The following DNM3 variants were observed in gnomAD, a reference collection of about 807,000 sequenced individuals.
DNM3 encodes dynamin 3.
In DNM3, 47 loss-of-function variants were observed where a neutral mutation model predicts 101.6. That is an observed-to-expected ratio of 0.46 (90% CI 0.37 to 0.59). DNM3 has a LOEUF of 0.59. Ranked by LOEUF, DNM3 falls within the 20% of genes least tolerant of loss-of-function variation. The pLI is 0.00. For missense variants in DNM3, 849 were observed against 1,085.7 expected (o/e 0.78, Z 3.06); for synonymous variants, 385 against 387.9 (o/e 0.99, Z 0.09).
At chr1:171,914,580 C>T (rs1275749650) in intron 1 of DNM3, among the ~76,000 whole-genome samples, 1 of 152,020 alleles carries the variant, frequency 6.6e-6, no homozygotes, top group Non-Finnish European at 1.5e-5. Flanking sequence ...ATTGGCCCAC[C>T]TAGTATTCCG....
At chr1:172,007,194 T>C (rs776989718) in intron 4 of DNM3, among the ~76,000 whole-genome samples, 1 of 152,138 alleles carries the variant, frequency 6.6e-6, no homozygotes, top group African/African-American at 2.4e-5. Context: ...ATTGCACATA[T>C]TAAAAAAATT....
intron 1 of DNM3, among the ~76,000 whole-genome samples, chr1:171,866,234 G>T (rs1423787197): frequency 1.3e-5 from 2 of 150,098 alleles, no homozygotes; most frequent in Non-Finnish European, 3.0e-5. Context: ...TTCTCTTAAA[G>T]CACTACTCTA....
chr1:172,147,907 C>A (rs1393064559), intron 14 of DNM3, among the ~76,000 whole-genome samples: 1 of 152,072 alleles, frequency 6.6e-6, no homozygotes, highest in African/African-American at 2.4e-5. Context: ...GGTCATTTTA[C>A]AGCTTCTTTA....
intron 17 of DNM3, among the ~76,000 whole-genome samples, chr1:172,370,545 A>C (rs2149035297): frequency 6.6e-6 from 1 of 152,084 alleles, no homozygotes; most frequent in Non-Finnish European, 1.5e-5. Flanking sequence ...TTCTTTCTAC[A>C]AAAGAGAGGA....
chr1:172,315,906 C>T (rs1249463542), intron 16 of DNM3, among the ~76,000 whole-genome samples: 1 of 152,046 alleles, frequency 6.6e-6, no homozygotes, highest in South Asian at 2.1e-4. Context: ...AGATACTCCT[C>T]GAGAAGAGCA....
chr1:172,208,694 T>C (rs960588575), intron 14 of DNM3, among the ~76,000 whole-genome samples: 3 of 152,104 alleles, frequency 2.0e-5, no homozygotes, highest in African/African-American at 7.2e-5. Context: ...ACAGGAAGCT[T>C]GCCCATGTAT....
chr1:172,407,649 A>G (rs2070989979), intron 20 of DNM3, 123 bp from the exon 21 acceptor site: 1 of 914,756 alleles, frequency 1.1e-6, no homozygotes, highest in Non-Finnish European at 1.8e-6. Flanking sequence ...ACAGATCATA[A>G]CCACTTCTGC....
At chr1:172,239,798 CTCTTTTTTTT>C (rs1483146850) in intron 14 of DNM3, among the ~76,000 whole-genome samples, 6 of 106,876 alleles carry the variant, frequency 5.6e-5, no homozygotes, top group Non-Finnish European at 5.3e-5. Flanking sequence ...CTTTTTTTTT[CTCTTTTTTTT>C]TTTTTTTTTT....
chr1:172,144,409 A>G, intron 14 of DNM3: 1 of 232,770 alleles, frequency 4.3e-6, no homozygotes, highest in Middle Eastern at 4.5e-4. Context: ...AGTGTCCCCG[A>G]GGGCTTCTTG....
intron 14 of DNM3, among the ~76,000 whole-genome samples, chr1:172,140,800 C>T (rs1266898512): frequency 6.6e-6 from 1 of 150,688 alleles, no homozygotes; most frequent in African/African-American, 2.5e-5. Flanking sequence ...TTAAAACACA[C>T]TTACAGTAAC....
chr1:172,242,868 C>G (rs187626930), intron 14 of DNM3, among the ~76,000 whole-genome samples: 3 of 152,304 alleles, frequency 2.0e-5, no homozygotes, highest in Admixed American at 2.0e-4. Context: ...GTTTCTCCTC[C>G]ATTCTTTCCC....
chr1:171,872,337 CT>C (rs980617900), intron 1 of DNM3, among the ~76,000 whole-genome samples: 3 of 150,842 alleles, frequency 2.0e-5, no homozygotes, highest in South Asian at 2.1e-4. Flanking sequence ...ATAGTTTTTC[CT>C]TTTTTTTTCC....
At chr1:172,357,948 T>C (rs1386379879) in intron 17 of DNM3, among the ~76,000 whole-genome samples, 1 of 152,052 alleles carries the variant, frequency 6.6e-6, no homozygotes, top group Non-Finnish European at 1.5e-5. Flanking sequence ...AGTGCAATGC[T>C]GAACAGGAAG....
rs185589023 is a variant in DNM3 at position 171,877,460 on chromosome 1, A to T, written c.161+35643A>T. Among the ~76,000 whole-genome samples the T allele has an allele frequency of 8.5e-4, 129 of 152,290 alleles. 2 individuals carry two copies. Among genetic ancestry groups the T allele is most frequent in the Middle Eastern group, 3.4e-3 (1 of 294 alleles). ...CATTTTAGTCTCTTCTCCACAACAA[A>T]TCATTTTTGTTGAACTTCGATGGAA... is the stretch of plus-strand genomic sequence containing the variant. On this transcript the variant is annotated intron_variant, in intron 1 of 20. Transcript: ENST00000627582.
chr1:171,966,705 T>C (rs536647493), intron 2 of DNM3, among the ~76,000 whole-genome samples: 2 of 152,304 alleles, frequency 1.3e-5, no homozygotes, highest in East Asian at 3.9e-4. Context: ...CAAGTGCATA[T>C]GCAGTGGGTA....
chr1:172,091,392 T>C (rs1340122446), intron 12 of DNM3, among the ~76,000 whole-genome samples: 1 of 152,134 alleles, frequency 6.6e-6, no homozygotes, highest in Admixed American at 6.5e-5. Flanking sequence ...AAGGGGATGA[T>C]AGTCTTGGAG....
intron 14 of DNM3, among the ~76,000 whole-genome samples, chr1:172,176,559 A>T (rs2059159564): frequency 1.3e-5 from 2 of 151,806 alleles, no homozygotes; most frequent in East Asian, 1.9e-4. Context: ...TCTTCAGATG[A>T]TTACAGTTCC....
At chr1:172,394,083 A>G (rs1000427728) in intron 20 of DNM3, 1 of 152,258 alleles carries the variant, frequency 6.6e-6, no homozygotes, top group African/African-American at 2.4e-5. Flanking sequence ...GATTCTGGCT[A>G]TAACACAATT....
chr1:172,009,648 A>G (rs1304134321), intron 4 of DNM3, among the ~76,000 whole-genome samples: 3 of 151,828 alleles, frequency 2.0e-5, no homozygotes, highest in Non-Finnish European at 4.4e-5. Context: ...GTCAAACAGC[A>G]CTATCGTAGA....
Sources: gnomAD v4.1 joint callset for allele counts (sites outside exome capture counted in the v4.1 genomes callset) on GRCh38, gnomAD v4.1.1 for gene constraint, MANE v1.5 for transcripts, NCBI Gene and HGNC (gene_info 2026-07-23, HGNC 2026-07-21) for gene names.